Variants in BRAF observed in about 807,000 individuals in gnomAD.
BRAF encodes the protein serine/threonine-protein kinase B-raf.
Under a neutral mutation model 104.6 loss-of-function variants are expected in BRAF, and 16 were observed. That is an observed-to-expected ratio of 0.15 (90% confidence interval 0.10 to 0.23). The LOEUF is 0.23. Among genes scored for constraint, BRAF ranks in the 10% least tolerant of loss-of-function variants. The pLI, the probability that BRAF is intolerant of heterozygous loss-of-function variation, is 1.00. For missense variants in BRAF, 541 were observed against 937.3 expected (o/e 0.58, Z 5.52); for synonymous variants, 310 against 341.6 (o/e 0.91, Z 1.02).
chr7:140,766,092 C>G lies in BRAF; in HGVS notation c.1814+10820G>C, dbSNP rs555181604. Among the ~76,000 whole-genome samples, 10 of 152,198 alleles carry G rather than the reference C, an allele frequency of 6.6e-5. No homozygotes were observed. In the East Asian group the frequency reaches 1.9e-3, roughly 29 times the overall value. Reference sequence around the variant, plus strand: ...TAGACTGGATTAAGAAAATGTGGCACATATACACCATGCAGCCATAAAAAA... The same window carrying G: ...TAGACTGGATTAAGAAAATGTGGCAGATATACACCATGCAGCCATAAAAAA... On this transcript the variant is annotated intron_variant, in intron 14 of 19. Transcript: ENST00000644969.
At chr7:140,839,695 A>G (rs1320223084) in intron 2 of BRAF, among the ~76,000 whole-genome samples, 1 of 152,184 alleles carries the variant, frequency 6.6e-6, no homozygotes, top group Non-Finnish European at 1.5e-5. Context: ...ATGCCACTAC[A>G]CTCCAACCTG....
In BRAF at chr7:140,892,147, A is replaced by G. The variant is rs544563166; in HGVS notation, c.138+32419T>C. On this transcript the variant is annotated intron_variant, in intron 1 of 19. Transcript: ENST00000644969. ...GTGGTGGCACACACCTGTAGTCCCA[A>G]CTACTTGGAAGGGTAACAGAATTGC... 2.6e-5 allele frequency among the ~76,000 whole-genome samples: 4 copies of G among 152,164 alleles called. No homozygotes were observed. In the South Asian group the frequency reaches 6.2e-4, roughly 24 times the overall value.
Position 140,859,312 on chromosome 7 carries a change from C to T in BRAF, c.139-9100G>A, listed in dbSNP as rs1294310550. ...TCAGCCACAGAGTACTGATGGCTTTCCCTAGTAAGACCATTTCACCAACCT... is the reference window on the plus strand; with the variant it reads ...TCAGCCACAGAGTACTGATGGCTTTTCCTAGTAAGACCATTTCACCAACCT... On this transcript the variant is annotated intron_variant, in intron 1 of 19. Coordinates refer to ENST00000644969, the MANE Select transcript of BRAF (RefSeq NM_001374258.1). 3.3e-5 allele frequency among the ~76,000 whole-genome samples: 5 copies of T among 152,238 alleles called. No individual in the cohort carries two copies. The East Asian group carries it at 9.7e-4, about 29-fold the overall frequency.
At chr7:140,837,323 C>T (rs777228708) in intron 2 of BRAF, among the ~76,000 whole-genome samples, 4 of 152,202 alleles carry the variant, frequency 2.6e-5, no homozygotes, top group Non-Finnish European at 4.4e-5. Flanking sequence ...TAGAACCTCA[C>T]GCACCCCTGG....
Position 140,719,590 on chromosome 7 carries a change from A to C in BRAF, c.*6904T>G. 1 of 1,059,976 alleles carries C rather than the reference A, an allele frequency of 9.4e-7. No homozygotes were observed. Among genetic ancestry groups the C allele is most frequent in the Non-Finnish European group, 1.1e-6 (1 of 875,152 alleles). The allele number at this position is 1,059,976 out of a possible 1,614,324, so 65.7% of individuals were successfully genotyped here. On this transcript the variant is annotated 3_prime_UTR_variant, in exon 20 of 20. Transcript: ENST00000644969. ...GGACCTGAGCAGGAAAGAGAACCAA[A>C]GTATCAGGAAGTGGGTATGGGGGAG...
chr7:140,771,163 C>T (rs1799811799), intron 14 of BRAF, among the ~76,000 whole-genome samples: 1 of 152,112 alleles, frequency 6.6e-6, no homozygotes, highest in Admixed American at 6.6e-5. Flanking sequence ...AAAGGTGACA[C>T]ATTTGAAAGT....
chr7:140,725,538 C>T lies in BRAF; in HGVS notation c.*956G>A. ...TTATATTTAAATTATCTAAATTTCT[C>T]ACATTCAAAACTGTTATTAAGCAGT... On this transcript the variant is annotated 3_prime_UTR_variant, in exon 20 of 20. Transcript: ENST00000644969. 3.9e-6 allele frequency: 4 copies of T among 1,021,796 alleles called. No individual in the cohort carries two copies. Among genetic ancestry groups the T allele is most frequent in the Non-Finnish European group, 4.7e-6 (4 of 844,212 alleles). The allele number at this position is 1,021,796 out of a possible 1,614,324, so 63.3% of individuals were successfully genotyped here. A position where few individuals can be genotyped will look rare whatever the true frequency, so the allele number is the denominator to read the frequency against.
In BRAF at chr7:140,723,661, A is replaced by G. The variant is rs1228199586; in HGVS notation, c.*2833T>C. 3 of 1,050,728 alleles carry G rather than the reference A, an allele frequency of 2.9e-6. No homozygotes were observed. The highest frequency in any genetic ancestry group is 1.7e-5 in the African/African-American group (1 of 60,274). The allele number at this position is 1,050,728 out of a possible 1,614,324, so 65.1% of individuals were successfully genotyped here. A position where few individuals can be genotyped will look rare whatever the true frequency, so the allele number is the denominator to read the frequency against. ...CAGGAATACTACACAGTTACAAACA[A>G]TCCTCTGTAGTTGCTCTCAAATTTT... On this transcript the variant is annotated 3_prime_UTR_variant, in exon 20 of 20. Coordinates refer to ENST00000644969, the MANE Select transcript of BRAF (RefSeq NM_001374258.1).
chr7:140,867,332 T>C (rs1010795232), intron 1 of BRAF, among the ~76,000 whole-genome samples: 17 of 152,312 alleles, frequency 1.1e-4, no homozygotes, highest in Admixed American at 7.2e-4. Context: ...ACTGACACTT[T>C]ATACATGCCA....
intron 14 of BRAF, among the ~76,000 whole-genome samples, chr7:140,764,478 T>C (rs1464892781): frequency 6.7e-6 from 1 of 150,242 alleles, no homozygotes; most frequent in Non-Finnish European, 1.5e-5. Flanking sequence ...AAATAAAGGG[T>C]ATTCAATTAG....
intron 7 of BRAF, among the ~76,000 whole-genome samples, chr7:140,797,450 T>C (rs930068110): frequency 6.6e-6 from 1 of 151,470 alleles, no homozygotes; most frequent in Admixed American, 6.6e-5. Context: ...TCAGGACTAG[T>C]AACAAACTGC....
At position 140,908,049 on chromosome 7, in the gene BRAF, G is replaced by A. The variant is rs150743992; in HGVS notation, c.138+16517C>T. The stretch of plus-strand genomic sequence containing the variant: ...CGTGAGCCACCGTGCCTGGCCCTAA[G>A]TCACTTTATAAGAGTCTTTTGTTCT... On this transcript the variant is annotated intron_variant, in intron 1 of 19. Transcript: ENST00000644969. Among the ~76,000 whole-genome samples the A allele has an allele frequency of 6.8e-4, 103 of 152,260 alleles. 1 individual carries two copies. The East Asian group carries it at 0.018, about 27-fold the overall frequency.
chr7:140,848,434 CA>C (rs1808801886), intron 2 of BRAF, among the ~76,000 whole-genome samples: 2 of 152,120 alleles, frequency 1.3e-5, no homozygotes, highest in African/African-American at 4.8e-5. Flanking sequence ...ATACATTTAA[CA>C]CAGTACTGGG....
intron 1 of BRAF, among the ~76,000 whole-genome samples, chr7:140,896,094 G>T (rs992269925): frequency 6.6e-6 from 1 of 151,900 alleles, no homozygotes; most frequent in African/African-American, 2.4e-5. Context: ...CCCTAACTGG[G>T]ATGAGACAAT....
intron 3 of BRAF, chr7:140,823,407 T>C (rs1001939277): frequency 2.4e-4 from 36 of 152,214 alleles, no homozygotes; most frequent in African/African-American, 8.7e-4. Context: ...ATAAGTGGAA[T>C]CATACAGTAT....
At position 140,723,277 on chromosome 7, in the gene BRAF, A is replaced by G. The variant is rs137863982; in HGVS notation, c.*3217T>C. On this transcript the variant is annotated 3_prime_UTR_variant, in exon 20 of 20. Coordinates refer to ENST00000644969, the MANE Select transcript of BRAF (RefSeq NM_001374258.1). ...AAGTGCTGTCACCGCACCAAACCAGAAGCTAGGAAATATTTACAAAGTTTC... is the reference window on the plus strand; with the variant it reads ...AAGTGCTGTCACCGCACCAAACCAGGAGCTAGGAAATATTTACAAAGTTTC... 4.2e-3 allele frequency: 4,467 copies of G among 1,056,442 alleles called. 17 individuals are homozygous for G. Among genetic ancestry groups the G allele is most frequent in the Middle Eastern group, 0.032 (76 of 2,356 alleles). The allele number at this position is 1,056,442 out of a possible 1,614,324, so 65.4% of individuals were successfully genotyped here.
In BRAF at chr7:140,721,516, A is replaced by G. The variant is rs1267063207; in HGVS notation, c.*4978T>C. The stretch of plus-strand genomic sequence containing the variant: ...GAGCTTACTGTCTAGTGTACTAATA[A>G]AACAAACATCTTACCAGTATTTTTA... On this transcript the variant is annotated 3_prime_UTR_variant, in exon 20 of 20. Transcript: ENST00000644969. 7 of 1,408,010 alleles carry G rather than the reference A, an allele frequency of 5.0e-6. No homozygotes were observed. Among genetic ancestry groups the G allele is most frequent in the Non-Finnish European group, 6.5e-6 (7 of 1,084,680 alleles). The allele number at this position is 1,408,010 out of a possible 1,614,324, so 87.2% of individuals were successfully genotyped here. A position where few individuals can be genotyped will look rare whatever the true frequency, so the allele number is the denominator to read the frequency against.
At chr7:140,717,688 T>C (rs755743380), downstream of BRAF, among the ~76,000 whole-genome samples, 7 of 152,158 alleles carry the variant, frequency 4.6e-5, no homozygotes, top group African/African-American at 1.7e-4. Context: ...TACAACTTTA[T>C]AATAACCAAA....
chr7:140,840,237 T>C lies in BRAF; in HGVS notation c.241-5365A>G, dbSNP rs557515452. Among the ~76,000 whole-genome samples the C allele has an allele frequency of 3.9e-5, 6 of 152,140 alleles. 1 individual carries two copies. The South Asian group carries it at 6.2e-4, about 16-fold the overall frequency. ...TATATAACTAATACTATAAAACTCT[T>C]AGGAAAAAAACACAGGAGTAAATCA... On this transcript the variant is annotated intron_variant, in intron 2 of 19. Coordinates refer to ENST00000644969, the MANE Select transcript of BRAF (RefSeq NM_001374258.1).
Sources: gnomAD v4.1 joint callset for allele counts (sites outside exome capture counted in the v4.1 genomes callset) on GRCh38, gnomAD v4.1.1 for gene constraint, MANE v1.5 for transcripts, NCBI Gene and HGNC (gene_info 2026-07-23, HGNC 2026-07-21) for gene names.